Variants in CPEB2 observed in about 807,000 individuals in gnomAD.
The protein encoded by CPEB2 is cytoplasmic polyadenylation element-binding protein 2.
Under a neutral mutation model 93.6 loss-of-function variants are expected in CPEB2, and 56 were observed. That is an observed-to-expected ratio of 0.60 (90% CI 0.48 to 0.75). The LOEUF (loss-of-function observed/expected upper bound fraction) is 0.75, where lower values mean the gene tolerates loss of function less well. Among genes scored for constraint, CPEB2 ranks in the 30% least tolerant of loss-of-function variants. The pLI, the probability that CPEB2 is intolerant of heterozygous loss-of-function variation, is 0.00. For synonymous variants in CPEB2, 764 were observed against 586.3 expected (o/e 1.30, Z -4.38); for missense variants, 1,579 against 1,395.1 (o/e 1.13, Z -2.10).
chr4:15,050,343 G>A (rs1728107825), intron 6 of CPEB2, among the ~76,000 whole-genome samples: 1 of 152,162 alleles, frequency 6.6e-6, no homozygotes, highest in Non-Finnish European at 1.5e-5. Flanking sequence ...TCATCCCCCT[G>A]CTGTGGAAAA....
At position 15,002,573 on chromosome 4, in the gene CPEB2, T is replaced by G. The variant is rs867286958; in HGVS notation, c.-101T>G. ...GTCACGGTGTCCCTCTCTCACTGAC[T>G]CCCCCTCCTTCCACCACGGCCGCGC... On this transcript the variant is annotated 5_prime_UTR_variant, in exon 1 of 12. Transcript: ENST00000538197. 2.1e-4 allele frequency: 200 copies of G among 951,372 alleles called. No individual in the cohort carries two copies. In the Middle Eastern group the frequency reaches 2.7e-3, roughly 13 times the overall value. 58.9% of individuals were successfully genotyped at this position (951,372 alleles called of 1,614,324 possible).
Position 15,002,865 on chromosome 4 carries a change from C to T in CPEB2, c.192C>T (p.Pro64=), listed in dbSNP as rs541761015. The change falls in exon 1 of 12, where the codon CCC becomes CCT. Residue 64 remains proline (P), a synonymous_variant. Transcript: ENST00000538197. ...CCGGCTTCTTAGAGGCCGCCTCCCCCTTCTCCGTCCCCCTCGGCGGCGGCG... is the reference window on the plus strand; with the variant it reads ...CCGGCTTCTTAGAGGCCGCCTCCCCTTTCTCCGTCCCCCTCGGCGGCGGCG... ...PVTGFLEAAS[P]FSVPLGGGAG... 14 of 1,531,944 alleles carry T rather than the reference C, an allele frequency of 9.1e-6. No individual in the cohort carries two copies. The East Asian group carries it at 1.7e-4, about 19-fold the overall frequency. The allele number at this position is 1,531,944 out of a possible 1,614,324, so 94.9% of individuals were successfully genotyped here. A position where few individuals can be genotyped will look rare whatever the true frequency, so the allele number is the denominator to read the frequency against.
At chr4:15,048,803 C>T (rs1486894011) in intron 6 of CPEB2, among the ~76,000 whole-genome samples, 1 of 151,960 alleles carries the variant, frequency 6.6e-6, no homozygotes, top group Admixed American at 6.5e-5. Flanking sequence ...AACCTGAAAA[C>T]ATACGTATGG....
In CPEB2 at chr4:15,003,606, G is replaced by A. The variant is rs868441762; in HGVS notation, c.933G>A (p.Pro311=). 10 of 1,476,928 alleles carry A rather than the reference G, an allele frequency of 6.8e-6. No individual in the cohort carries two copies. The South Asian group carries it at 7.6e-5, about 11-fold the overall frequency. The allele number at this position is 1,476,928 out of a possible 1,614,324, so 91.5% of individuals were successfully genotyped here. A position where few individuals can be genotyped will look rare whatever the true frequency, so the allele number is the denominator to read the frequency against. The change falls in exon 1 of 12, where the codon CCG becomes CCA. Residue 311 remains proline, a synonymous_variant. Transcript: ENST00000538197. ...LASSTPVNPA[P]GSMESPNHPL... is the part of the protein sequence containing the mutation. ...CCTCGACGCCGGTGAACCCCGCGCC[G>A]GGCTCCATGGAGTCCCCCAACCACC...
chr4:15,018,861 A>G (rs1345472144), intron 4 of CPEB2, among the ~76,000 whole-genome samples: 2 of 145,932 alleles, frequency 1.4e-5, no homozygotes, highest in African/African-American at 5.0e-5. Context: ...AGCCTGGGTT[A>G]TAGTAAAAGT....
At chr4:15,059,140 C>G (rs768084481) in intron 9 of CPEB2, 47 bp from the exon 10 acceptor site, 1 of 1,131,596 alleles carries the variant, frequency 8.8e-7, no homozygotes, top group East Asian at 2.4e-5. Flanking sequence ...ACAGAAAATT[C>G]TCATAAGACA....
intron 3 of CPEB2, among the ~76,000 whole-genome samples, chr4:15,011,861 T>A (rs1723529405): frequency 1.3e-5 from 2 of 152,186 alleles, no homozygotes; most frequent in Admixed American, 6.5e-5. Flanking sequence ...ATTATCAATA[T>A]ATCAACTCTC....
At chr4:15,062,011 A>AT (rs1729233661) in intron 10 of CPEB2, 68 bp from the exon 11 acceptor site, 1 of 1,387,908 alleles carries the variant, frequency 7.2e-7, no homozygotes. Context: ...CGTTTTACAA[A>AT]AAGTACTTAA....
chr4:15,005,426 CTT>C (rs761070889), intron 1 of CPEB2, among the ~76,000 whole-genome samples: 1 of 152,136 alleles, frequency 6.6e-6, no homozygotes, highest in Non-Finnish European at 1.5e-5. Context: ...TTTTCCGGAT[CTT>C]TTTTGATTCA....
Position 15,040,447 on chromosome 4 carries a change from G to T in CPEB2, c.2177-17G>T. The stretch of plus-strand genomic sequence containing the variant: ...TTAGTTCTGACATTTTACAATTTGT[G>T]CTTTGTTTACATGCAGCAAGGAGTT... On this transcript the variant is annotated splice_polypyrimidine_tract_variant and intron_variant, in intron 5 of 11. Transcript: ENST00000538197. The T allele has an allele frequency of 6.5e-7, 1 of 1,535,380 alleles. No individual in the cohort carries two copies. Among genetic ancestry groups the T allele is most frequent in the Non-Finnish European group, 8.7e-7 (1 of 1,146,236 alleles).
intron 4 of CPEB2, among the ~76,000 whole-genome samples, chr4:15,019,209 A>C (rs1160307097): frequency 6.6e-6 from 1 of 151,672 alleles, no homozygotes; most frequent in Non-Finnish European, 1.5e-5. Flanking sequence ...AAAATCGAGA[A>C]ACTTTCTCTG....
At chr4:15,033,027 T>C in intron 4 of CPEB2, 134 bp from the exon 5 acceptor site, 1 of 585,562 alleles carries the variant, frequency 1.7e-6, no homozygotes, top group Non-Finnish European at 3.0e-6. Flanking sequence ...ACATAAGCTT[T>C]TTAGTTCTTA....
At position 15,004,150 on chromosome 4, in the gene CPEB2, T is replaced by C. The variant is rs761561146; in HGVS notation, c.1477T>C (p.Ser493Pro). 16 of 1,039,106 alleles carry C rather than the reference T, an allele frequency of 1.5e-5. No homozygotes were observed. In the South Asian group the frequency reaches 1.9e-4, roughly 12 times the overall value. The allele number at this position is 1,039,106 out of a possible 1,614,324, so 64.4% of individuals were successfully genotyped here. The change falls in exon 1 of 12, where the codon TCG (serine) becomes CCG (proline). Residue 493 changes from serine to proline, a missense_variant. Physicochemically the swap from Ser to Pro is moderately conservative, Grantham distance 74. Transcript: ENST00000538197. Reference sequence around the variant, plus strand: ...CGGCGGCGGCTTCGGCGGCCCCTTCTCGGCTACCGCTGTGCCCCCTCCGCC... The same window carrying C: ...CGGCGGCGGCTTCGGCGGCCCCTTCCCGGCTACCGCTGTGCCCCCTCCGCC... ...GGGGGFGGPFSATAVPPPPPP... is the reference protein window; with the variant it reads ...GGGGGFGGPFPATAVPPPPPP...
intron 10 of CPEB2, among the ~76,000 whole-genome samples, chr4:15,059,763 A>G (rs967166981): frequency 6.6e-6 from 1 of 152,102 alleles, no homozygotes; most frequent in African/African-American, 2.4e-5. Context: ...GGAACCAAAA[A>G]CCTACCAAAA....
rs552174460 is a variant in CPEB2, at chr4:15,062,017, C to T, written c.2696-62C>T. ...TGACTTTTACGTTTTACAAAAAGTA[C>T]TTAAAAATTGTTGATTACTGTGTTC... On this transcript the variant is annotated intron_variant, in intron 10 of 11. Transcript: ENST00000538197. 7 of 1,418,262 alleles carry T rather than the reference C, an allele frequency of 4.9e-6. No homozygotes were observed. In the South Asian group the frequency reaches 1.0e-4, roughly 21 times the overall value. The allele number at this position is 1,418,262 out of a possible 1,614,324, so 87.9% of individuals were successfully genotyped here.
At chr4:15,011,262 G>A (rs996583377) in intron 3 of CPEB2, among the ~76,000 whole-genome samples, 37 of 151,620 alleles carry the variant, frequency 2.4e-4, no homozygotes, top group African/African-American at 6.8e-4. Context: ...CACCATACCC[G>A]CCTAATTTTT....
Position 15,004,345 on chromosome 4 carries a change from G to A in CPEB2, c.1662+10G>A. The A allele has an allele frequency of 7.0e-7, 1 of 1,436,978 alleles. No homozygotes were observed. Among genetic ancestry groups the A allele is most frequent in the Non-Finnish European group, 9.0e-7 (1 of 1,106,404 alleles). 89.0% of individuals were successfully genotyped at this position (1,436,978 alleles called of 1,614,324 possible). A position where few individuals can be genotyped will look rare whatever the true frequency, so the allele number is the denominator to read the frequency against. On this transcript the variant is annotated intron_variant, in intron 1 of 11. Transcript: ENST00000538197. ...CTATAACCACCACCAGGTACGGCGG[G>A]CGGCGGCCTGGCCGCGCCGCGGGAC...
At chr4:15,036,800 G>A (rs1213355228) in intron 5 of CPEB2, among the ~76,000 whole-genome samples, 1 of 152,100 alleles carries the variant, frequency 6.6e-6, no homozygotes, top group Non-Finnish European at 1.5e-5. Flanking sequence ...GTCATAAAGA[G>A]CTTACTGTAC....
chr4:15,014,817 ATTAG>A (rs1387608868), intron 3 of CPEB2, among the ~76,000 whole-genome samples: 2 of 152,224 alleles, frequency 1.3e-5, no homozygotes, highest in African/African-American at 4.8e-5. Context: ...AAATCAACAA[ATTAG>A]TTATGAACAC....
Sources: allele counts gnomAD v4.1 joint callset (sites outside exome capture counted in the v4.1 genomes callset), GRCh38; gene constraint gnomAD v4.1.1; transcripts MANE v1.5; gene names NCBI Gene and HGNC (gene_info 2026-07-23, HGNC 2026-07-21).